The following MGMT variants were observed in gnomAD, a reference collection of about 807,000 sequenced individuals.
MGMT encodes the protein methylated-DNA--protein-cysteine methyltransferase.
In MGMT, 14 loss-of-function variants were observed where a neutral mutation model predicts 15.9. The observed-to-expected ratio is 0.88, with a 90% CI of 0.58 to 1.37. MGMT has a LOEUF of 1.37. MGMT is among the 40% of genes most tolerant of loss of function. The pLI, the probability that MGMT is intolerant of heterozygous loss-of-function variation, is 0.00. For synonymous variants in MGMT, 130 were observed against 118.2 expected, an observed-to-expected ratio of 1.10 and a Z score of -0.65; for missense variants, 282 against 268.1, an observed-to-expected ratio of 1.05 and a Z score of -0.36.
At chr10:129,729,751 G>A (rs1848475359) in intron 3 of MGMT, among the ~76,000 whole-genome samples, 1 of 152,168 alleles carries the variant, frequency 6.6e-6, no homozygotes, top group Non-Finnish European at 1.5e-5. Context: ...AAGAAATTTA[G>A]GGCCCAGCTC....
intron 2 of MGMT, among the ~76,000 whole-genome samples, chr10:129,680,309 G>A (rs748444515): frequency 6.6e-5 from 10 of 152,108 alleles, no homozygotes; most frequent in South Asian, 4.2e-4. Context: ...ATTTTATTTC[G>A]CGGGCATGAT....
chr10:129,559,246 G>A (rs573959448), intron 2 of MGMT, among the ~76,000 whole-genome samples: 11 of 152,218 alleles, frequency 7.2e-5, no homozygotes, highest in African/African-American at 1.4e-4. Context: ...TACACCACAC[G>A]TCCAATATTT....
At chr10:129,502,725 A>G (rs1339234313) in intron 1 of MGMT, among the ~76,000 whole-genome samples, 1 of 152,134 alleles carries the variant, frequency 6.6e-6, no homozygotes, top group Non-Finnish European at 1.5e-5. Flanking sequence ...AACTTAGGGG[A>G]AACCACACGT....
At chr10:129,584,989 A>C (rs566769375) in intron 2 of MGMT, among the ~76,000 whole-genome samples, 10 of 152,292 alleles carry the variant, frequency 6.6e-5, no homozygotes, top group African/African-American at 2.4e-4. Context: ...ACACACACGT[A>C]GGCCTAGGAG....
chr10:129,629,459 C>G (rs982653433), intron 2 of MGMT, among the ~76,000 whole-genome samples: 2 of 152,076 alleles, frequency 1.3e-5, no homozygotes, highest in African/African-American at 4.8e-5. Flanking sequence ...TACTTTTAAA[C>G]CTTAGACATT....
intron 3 of MGMT, among the ~76,000 whole-genome samples, chr10:129,737,693 C>A (rs1201373835): frequency 2.6e-5 from 4 of 152,058 alleles, no homozygotes; most frequent in Non-Finnish European, 5.9e-5. Context: ...TTTTATCTAC[C>A]TTTGGTCTTT....
At chr10:129,725,592 G>T (rs1358355374) in intron 3 of MGMT, among the ~76,000 whole-genome samples, 1 of 152,222 alleles carries the variant, frequency 6.6e-6, no homozygotes, top group South Asian at 2.1e-4. Context: ...CATGCCTATT[G>T]CCCCAGCACG....
chr10:129,676,775 A>G (rs1847791075), intron 2 of MGMT, among the ~76,000 whole-genome samples: 2 of 125,874 alleles, frequency 1.6e-5, no homozygotes, highest in Middle Eastern at 4.4e-3. Context: ...GCAGATACAT[A>G]CATTACATTT....
At chr10:129,562,222 A>G (rs1255701001) in intron 2 of MGMT, among the ~76,000 whole-genome samples, 1 of 152,242 alleles carries the variant, frequency 6.6e-6, no homozygotes, top group Non-Finnish European at 1.5e-5. Flanking sequence ...CCTATAGCTT[A>G]AGTTCTAAGC....
intron 4 of MGMT, among the ~76,000 whole-genome samples, chr10:129,759,547 C>G (rs576511282): frequency 2.3e-4 from 35 of 152,288 alleles, no homozygotes; most frequent in South Asian, 1.5e-3. Flanking sequence ...GAAGCTCCCC[C>G]CTACCGGGAG....
intron 2 of MGMT, among the ~76,000 whole-genome samples, chr10:129,557,076 A>T (rs1846222330): frequency 6.6e-6 from 1 of 152,212 alleles, no homozygotes; most frequent in African/African-American, 2.4e-5. Flanking sequence ...TGGTCCCTGG[A>T]GTGGAGCGGG....
At chr10:129,635,044 G>A (rs1445369310) in intron 2 of MGMT, among the ~76,000 whole-genome samples, 1 of 152,210 alleles carries the variant, frequency 6.6e-6, no homozygotes, top group Non-Finnish European at 1.5e-5. Context: ...AACCAGAGCA[G>A]TGTACTGAGG....
rs199734815 is a variant in MGMT at position 129,708,022 on chromosome 10, C to T, written c.253C>T (p.His85Tyr). The T allele has an allele frequency of 2.8e-5, 45 of 1,613,094 alleles. No individual in the cohort carries two copies. In the South Asian group the frequency reaches 3.8e-4, roughly 14 times the overall value. The part of the protein sequence containing the change: ...AIEEFPVPAL[H>Y]HPVFQQESFT... ...CGAAGAGTTCCCCGTGCCGGCTCTTCACCATCCCGTTTTCCAGCAAGGTCG... is the reference window on the plus strand; with the variant it reads ...CGAAGAGTTCCCCGTGCCGGCTCTTTACCATCCCGTTTTCCAGCAAGGTCG... Residue 85 changes from histidine (H) to tyrosine (Y), a missense_variant, in exon 3 of 5, where the codon CAC (histidine) becomes TAC (tyrosine). Transcript: ENST00000651593.
chr10:129,469,058 A>C (rs989140983), intron 1 of MGMT, among the ~76,000 whole-genome samples: 2 of 152,132 alleles, frequency 1.3e-5, no homozygotes, highest in Admixed American at 6.5e-5. Flanking sequence ...TCTTACTTTG[A>C]TATCACCTGG....
chr10:129,688,734 A>G (rs1341470146), intron 2 of MGMT, among the ~76,000 whole-genome samples: 1 of 152,206 alleles, frequency 6.6e-6, no homozygotes, highest in South Asian at 2.1e-4. Flanking sequence ...AATGGCAACA[A>G]AAGCCAAAAT....
intron 1 of MGMT, among the ~76,000 whole-genome samples, chr10:129,477,025 CCCGGCAGTGCTGG>C (rs1845303435): frequency 6.6e-6 from 1 of 152,044 alleles, no homozygotes; most frequent in South Asian, 2.1e-4. Flanking sequence ...CTCGTGGGAC[CCCGGCAGTGCTGG>C]CCTCCTGTGT....
chr10:129,518,485 TCCCTTCCCCCTGCC>T, intron 1 of MGMT, among the ~76,000 whole-genome samples: 1 of 20,514 alleles, frequency 4.9e-5, no homozygotes, highest in African/African-American at 2.5e-4. Context: ...CCTCCTCCCC[TCCCTTCCCCCTGCC>T]CCTCCTCCCC....
At position 129,556,005 on chromosome 10, in the gene MGMT, G is replaced by C. The variant is rs566812950; in HGVS notation, c.125+19628G>C. Among the ~76,000 whole-genome samples, 1 of 152,268 alleles carries C rather than the reference G, an allele frequency of 6.6e-6. No homozygotes were observed. Among genetic ancestry groups the C allele is most frequent in the African/African-American group, 2.4e-5 (1 of 41,560 alleles). On this transcript the variant is annotated intron_variant, in intron 2 of 4. Coordinates refer to ENST00000651593, the MANE Select transcript of MGMT (RefSeq NM_002412.5). The surrounding 1 kb of genome is among the most constrained non-coding windows in gnomAD (Gnocchi z 4.3). ...GCACCCTCCAGGGAGCTGTCGAGGG[G>C]CTCTTCTGCCTCTTCAGAAACCATC... is the stretch of plus-strand genomic sequence containing the variant.
intron 2 of MGMT, among the ~76,000 whole-genome samples, chr10:129,640,698 A>G (rs1847318464): frequency 6.6e-6 from 1 of 152,238 alleles, no homozygotes; most frequent in African/African-American, 2.4e-5. Context: ...CCTAATGTAC[A>G]TAAAATGCAA....
Sources: allele counts gnomAD v4.1 joint callset (sites outside exome capture counted in the v4.1 genomes callset), GRCh38; gene constraint gnomAD v4.1.1; non-coding constraint Gnocchi (gnomAD v3.1); transcripts MANE v1.5; gene names NCBI Gene and HGNC (gene_info 2026-07-23, HGNC 2026-07-21).